FAM187B: variants seen among roughly 807,000 people sequenced by gnomAD.
FAM187B encodes protein FAM187B.
A neutral mutation model predicts 22.6 loss-of-function variants in FAM187B; 22 were observed. That is an observed-to-expected ratio of 0.97 (90% CI 0.70 to 1.39). The LOEUF (loss-of-function observed/expected upper bound fraction) is 1.39. FAM187B is among the 40% of genes most tolerant of loss of function. FAM187B has a pLI of 0.00. For missense variants in FAM187B, 433 were observed against 462.1 expected (o/e 0.94, Z 0.58); for synonymous variants, 192 against 201.8 (o/e 0.95, Z 0.41).
chr19:35,228,672 G>A lies in FAM187B; in HGVS notation c.9C>T (p.Pro3=), dbSNP rs774479067. MP[P]MLWLLLHFAA... ...CAAAGTGGAGCAGCAGCCACAGCAT[G>A]GGTGGCATGGTGGACTGGGGCTGTG... is the stretch of plus-strand genomic sequence containing the variant. Residue 3 remains proline, a synonymous_variant, in exon 1 of 2, where the codon CCC becomes CCT. Transcript: ENST00000324675. The A allele has an allele frequency of 2.7e-5, 44 of 1,607,074 alleles. No individual in the cohort carries two copies. Among genetic ancestry groups the A allele is most frequent in the Non-Finnish European group, 3.7e-5 (43 of 1,177,260 alleles).
intron 1 of FAM187B, 149 bp downstream of exon 1, chr19:35,227,810 C>T: frequency 8.1e-7 from 1 of 1,232,294 alleles, no homozygotes; most frequent in Non-Finnish European, 1.1e-6. Flanking sequence ...CCCCCTCGGA[C>T]TGTTTAAGAG....
intron 1 of FAM187B, among the ~76,000 whole-genome samples, chr19:35,225,895 C>T (rs1378436696): frequency 6.6e-6 from 1 of 152,158 alleles, no homozygotes; most frequent in Non-Finnish European, 1.5e-5. Flanking sequence ...AAGGGCACTC[C>T]TTAAATGATT....
chr19:35,224,956 C>G lies in FAM187B; in HGVS notation c.979G>C (p.Ala327Pro), dbSNP rs2065656692. Residue 327 changes from alanine to proline, a missense_variant, in exon 2 of 2, where the codon GCG (alanine) becomes CCG (proline). Physicochemically the swap from Ala to Pro is conservative, Grantham distance 27. Transcript: ENST00000324675. ...REARKALRGR[A>P]DSVLKGLKLV... Reference sequence around the variant, plus strand: ...TTCAGCCCCTTGAGCACGGAGTCCGCCCTGCCCCGCAGGGCCTTCCTTGCC... The same window carrying G: ...TTCAGCCCCTTGAGCACGGAGTCCGGCCTGCCCCGCAGGGCCTTCCTTGCC... The G allele has an allele frequency of 6.2e-7, 1 of 1,613,630 alleles. No individual in the cohort carries two copies. The highest frequency in any genetic ancestry group is 8.5e-7 in the Non-Finnish European group (1 of 1,179,990).
At chr19:35,227,697 A>G (rs746936622) in intron 1 of FAM187B, among the ~76,000 whole-genome samples, 58 of 152,200 alleles carry the variant, frequency 3.8e-4, no homozygotes, top group Non-Finnish European at 6.6e-4. Context: ...CAGATGAAGC[A>G]GGGGCCTGTT....
intron 1 of FAM187B, among the ~76,000 whole-genome samples, chr19:35,226,918 C>T (rs2065663283): frequency 6.6e-6 from 1 of 152,148 alleles, no homozygotes; most frequent in Non-Finnish European, 1.5e-5. Flanking sequence ...GAGATGAGAG[C>T]ATATTGGAAT....
At chr19:35,226,103 C>T (rs999767100) in intron 1 of FAM187B, among the ~76,000 whole-genome samples, 2 of 152,184 alleles carry the variant, frequency 1.3e-5, no homozygotes, top group African/African-American at 2.4e-5. Flanking sequence ...GGAGCCTTCC[C>T]TGACCCCACC....
rs781167817 is a variant in FAM187B, at chr19:35,228,109, C to T, written c.572G>A (p.Arg191His). Residue 191 changes from arginine to histidine, a missense_variant, in exon 1 of 2, where the codon CGC becomes CAC. By Grantham distance (29) the Arg-to-His change is conservative. Transcript: ENST00000324675. ...YLGEVLVWSS[R>H]LRPELQVEAC... ...TTCCACCTGCAGCTCAGGCCGCAAG[C>T]GGCTAGACCACACCAGCACCTCTCC... 9.9e-6 allele frequency: 16 copies of T among 1,614,118 alleles called. No homozygotes were observed. Among genetic ancestry groups the T allele is most frequent in the South Asian group, 6.6e-5 (6 of 91,092 alleles).
chr19:35,224,909 G>T lies in FAM187B; in HGVS notation c.1026C>A (p.Thr342=). The T allele has an allele frequency of 6.2e-7, 1 of 1,613,906 alleles. No homozygotes were observed. Among genetic ancestry groups the T allele is most frequent in the Non-Finnish European group, 8.5e-7 (1 of 1,179,992 alleles). ...GCAGCGCCCCCAGCAGGGCCAGGACGGTGACCACGAGCAGCACCAGCTTCA... is the reference window on the plus strand; with the variant it reads ...GCAGCGCCCCCAGCAGGGCCAGGACTGTGACCACGAGCAGCACCAGCTTCA... The part of the protein sequence containing the change: ...KGLKLVLLVV[T]VLALLGALLK... The change falls in exon 2 of 2, where the codon ACC becomes ACA. Residue 342 remains threonine, a synonymous_variant. Coordinates refer to ENST00000324675, the MANE Select transcript of FAM187B (RefSeq NM_152481.2).
intron 1 of FAM187B, 129 bp downstream of exon 1, chr19:35,227,830 G>A: frequency 1.5e-6 from 2 of 1,370,052 alleles, no homozygotes; most frequent in Non-Finnish European, 2.0e-6. Flanking sequence ...GCAGGGCCTG[G>A]CACTGTCCTG....
At chr19:35,225,374 C>A (rs897250945) in intron 1 of FAM187B, among the ~76,000 whole-genome samples, 162 bp from the exon 2 acceptor site, 19 of 135,768 alleles carry the variant, frequency 1.4e-4, no homozygotes, top group African/African-American at 4.4e-4. Context: ...CAGCTGGGGG[C>A]TCCCAGGGCT....
Position 35,227,154 on chromosome 19 carries a change from C to T in FAM187B, c.722+805G>A, listed in dbSNP as rs997076532. Among the ~76,000 whole-genome samples, 5 of 152,248 alleles carry T rather than the reference C, an allele frequency of 3.3e-5. No homozygotes were observed. The South Asian group carries it at 1.0e-3, about 32-fold the overall frequency. ...GGGACTGAGAGGGAGCGTGGTTCTA[C>T]TGACACCTTGATTTCAGACTTACGG... On this transcript the variant is annotated intron_variant, in intron 1 of 1. Transcript: ENST00000324675.
At position 35,228,293 on chromosome 19, in the gene FAM187B, T is replaced by TC; in HGVS notation, c.387dup (p.Asn130GlufsTer26). 2 of 1,614,208 alleles carry TC rather than the reference T, an allele frequency of 1.2e-6. No homozygotes were observed. The highest frequency in any genetic ancestry group is 1.7e-6 in the Non-Finnish European group (2 of 1,180,032). Reference sequence around the variant, plus strand: ...TTGCTGCCCAAATGCAGGGTCTCGTTCTGCAGGGGCCTCTGACCCAGGTCC... The same window carrying TC: ...TTGCTGCCCAAATGCAGGGTCTCGTTCCTGCAGGGGCCTCTGACCCAGGTCC... On this transcript the variant is annotated frameshift_variant, in exon 1 of 2. Coordinates refer to ENST00000324675, the MANE Select transcript of FAM187B (RefSeq NM_152481.2). LOFTEE classifies it high-confidence loss of function.
At position 35,228,043 on chromosome 19, in the gene FAM187B, AC is replaced by A. The variant is rs745366004; in HGVS notation, c.637del (p.Val213TrpfsTer24). 38 of 1,613,998 alleles carry A rather than the reference AC, an allele frequency of 2.4e-5. No homozygotes were observed. The highest frequency in any genetic ancestry group is 1.6e-4 in the Middle Eastern group (1 of 6,082). On this transcript the variant is annotated frameshift_variant, in exon 1 of 2. Transcript: ENST00000324675. LOFTEE classifies it high-confidence loss of function. Reference protein sequence around the residue: ...VQCTNNTQLRVDYVIFDNFRL... With the variant: ...VQCTNNTQLRXDYVIFDNFRL... ...GAAGTTGTCAAAAATGACGTAATCC[AC>A]CCTTAACTGTGTGTTATTGGTGCAC...
chr19:35,227,638 G>A (rs1332863718), intron 1 of FAM187B, among the ~76,000 whole-genome samples: 5 of 152,130 alleles, frequency 3.3e-5, no homozygotes, highest in Admixed American at 3.3e-4. Context: ...GGCCTTGATG[G>A]GAAGCCCCGG....
In FAM187B at chr19:35,228,297, CA is replaced by C; in HGVS notation, c.383del (p.Leu128ArgfsTer84). Reference sequence around the variant, plus strand: ...TGCCCAAATGCAGGGTCTCGTTCTGCAGGGGCCTCTGACCCAGGTCCTTGTG... The same window carrying C: ...TGCCCAAATGCAGGGTCTCGTTCTGCGGGGCCTCTGACCCAGGTCCTTGTG... ...ITHKDLGQRP[L>X]QNETLHLGSK... is the part of the protein sequence containing the mutation. On this transcript the variant is annotated frameshift_variant, in exon 1 of 2. Coordinates refer to ENST00000324675, the MANE Select transcript of FAM187B (RefSeq NM_152481.2). LOFTEE classifies it high-confidence loss of function. 1 of 1,614,238 alleles carries C rather than the reference CA, an allele frequency of 6.2e-7. No homozygotes were observed. The highest frequency in any genetic ancestry group is 8.5e-7 in the Non-Finnish European group (1 of 1,180,042).
Position 35,228,633 on chromosome 19 carries a change from C to T in FAM187B, c.48G>A (p.Leu16=), listed in dbSNP as rs2065669759. The change falls in exon 1 of 2, where the codon CTG becomes CTA. Residue 16 remains leucine (L), a synonymous_variant. Transcript: ENST00000324675. ...WLLLHFAAPA[L]GFYFSISCPS... is the part of the protein sequence containing the mutation. ...GGCAGCTGATGGAAAAGTAGAACCC[C>T]AGTGCCGGGGCAGCAAAGTGGAGCA... 1 of 1,613,394 alleles carries T rather than the reference C, an allele frequency of 6.2e-7. No homozygotes were observed. Among genetic ancestry groups the T allele is most frequent in the Non-Finnish European group, 8.5e-7 (1 of 1,179,906 alleles).
At position 35,228,631 on chromosome 19, in the gene FAM187B, C is replaced by G; in HGVS notation, c.50G>C (p.Gly17Ala). Residue 17 changes from glycine to alanine, a missense_variant, in exon 1 of 2, where the codon GGG (glycine) becomes GCG (alanine). By Grantham distance (60) the Gly-to-Ala change is moderately conservative. Transcript: ENST00000324675. ...GGGGCAGCTGATGGAAAAGTAGAACCCCAGTGCCGGGGCAGCAAAGTGGAG... is the reference window on the plus strand; with the variant it reads ...GGGGCAGCTGATGGAAAAGTAGAACGCCAGTGCCGGGGCAGCAAAGTGGAG... ...LLLHFAAPAL[G>A]FYFSISCPSG... 1.2e-6 allele frequency: 2 copies of G among 1,613,462 alleles called. No individual in the cohort carries two copies. Among genetic ancestry groups the G allele is most frequent in the Non-Finnish European group, 1.7e-6 (2 of 1,179,938 alleles).
intron 1 of FAM187B, among the ~76,000 whole-genome samples, chr19:35,227,251 G>A (rs1201968338): frequency 2.6e-5 from 4 of 152,052 alleles, no homozygotes; most frequent in Admixed American, 1.3e-4. Context: ...GAGTTGTCTC[G>A]TGATGTTGCC....
Position 35,224,815 on chromosome 19 carries a change from G to T in FAM187B, c.*10C>A. 2 of 1,596,066 alleles carry T rather than the reference G, an allele frequency of 1.3e-6. No homozygotes were observed. Among genetic ancestry groups the T allele is most frequent in the Non-Finnish European group, 1.7e-6 (2 of 1,169,728 alleles). ...GGAGGCCGGGTCCGCTTGTGCACCG[G>T]GGGCTCGCTTTATTTCACCACCAGC... On this transcript the variant is annotated 3_prime_UTR_variant, in exon 2 of 2. Coordinates refer to ENST00000324675, the MANE Select transcript of FAM187B (RefSeq NM_152481.2).
Sources: allele counts gnomAD v4.1 joint callset (sites outside exome capture counted in the v4.1 genomes callset), GRCh38; gene constraint gnomAD v4.1.1; transcripts MANE v1.5; gene names NCBI Gene and HGNC (gene_info 2026-07-23, HGNC 2026-07-21).